The following AHI1 variants were observed in gnomAD, a reference collection of about 807,000 sequenced individuals.
The protein encoded by AHI1 is jouberin.
A neutral mutation model predicts 149.3 loss-of-function variants in AHI1; 123 were observed. The ratio of observed to expected loss-of-function variants is 0.82; its 90% confidence interval spans 0.71 to 0.96. The LOEUF (loss-of-function observed/expected upper bound fraction) is 0.96. Ranked by LOEUF, AHI1 falls within the 40% of genes least tolerant of loss-of-function variation. The pLI, the probability that AHI1 is intolerant of heterozygous loss-of-function variation, is 0.00. For synonymous variants in AHI1, 475 were observed against 459.8 expected (o/e 1.03, Z -0.42); for missense variants, 1,439 against 1,422.7 (o/e 1.01, Z -0.18).
At chr6:135,297,601 T>C (rs1292125801) in intron 27 of AHI1, 3 of 443,182 alleles carry the variant, frequency 6.8e-6, no homozygotes, top group South Asian at 1.6e-5. Context: ...GCTTCTTTAA[T>C]ATCTCTCAAT....
At chr6:135,459,546 A>G (rs929656564) in intron 8 of AHI1, among the ~76,000 whole-genome samples, 1 of 152,090 alleles carries the variant, frequency 6.6e-6, no homozygotes, top group African/African-American at 2.4e-5. Context: ...AGAGAAAATC[A>G]AAGCTAAAGG....
chr6:135,475,361 A>T (rs780683010), intron 5 of AHI1, among the ~76,000 whole-genome samples: 4 of 152,206 alleles, frequency 2.6e-5, no homozygotes, highest in African/African-American at 7.2e-5. Context: ...GTTGCTAAAA[A>T]GCTGCAAATC....
chr6:135,417,371 G>A (rs1253386159), intron 20 of AHI1, among the ~76,000 whole-genome samples: 1 of 151,908 alleles, frequency 6.6e-6, no homozygotes, highest in Non-Finnish European at 1.5e-5. Flanking sequence ...ATACACCTAC[G>A]TAAGTAACAG....
At chr6:135,318,718 T>C in intron 25 of AHI1, 102 bp from the exon 26 acceptor site, 1 of 657,212 alleles carries the variant, frequency 1.5e-6, no homozygotes, top group South Asian at 3.0e-5. Flanking sequence ...AAGAAATCGA[T>C]ATTCAATTCC....
chr6:135,463,238 G>T lies in AHI1; in HGVS notation c.818C>A (p.Ser273Tyr). The change falls in exon 8 of 29, where the codon TCT (serine) becomes TAT (tyrosine). Residue 273 changes from serine to tyrosine, a missense_variant. Physicochemically the swap from Ser to Tyr is moderately radical, Grantham distance 144 (BLOSUM62 -2). Transcript: ENST00000265602. ...QKKESSVRSV[S>Y]SDSHQDDEIS... ...TTCATCATCTTGATGAGAATCTGAA[G>T]AAACTGATCTAACTGAAGATTCTTT... 2 of 1,610,410 alleles carry T rather than the reference G, an allele frequency of 1.2e-6. No homozygotes were observed. Among genetic ancestry groups the T allele is most frequent in the South Asian group, 1.1e-5 (1 of 90,820 alleles).
At chr6:135,483,646 T>G (rs1180389003) in intron 5 of AHI1, among the ~76,000 whole-genome samples, 1 of 152,236 alleles carries the variant, frequency 6.6e-6, no homozygotes. Context: ...TTACTATTGC[T>G]GAGTATCAAA....
chr6:135,300,337 AAAAG>A (rs1177750034), intron 27 of AHI1, among the ~76,000 whole-genome samples, 159 bp downstream of exon 27: 4 of 151,006 alleles, frequency 2.6e-5, no homozygotes, highest in African/African-American at 7.4e-5. Context: ...AAAAAAAAAA[AAAAG>A]AAAAAAAAAT....
chr6:135,417,061 A>G (rs974764866), intron 20 of AHI1, among the ~76,000 whole-genome samples: 5 of 152,106 alleles, frequency 3.3e-5, no homozygotes, highest in Non-Finnish European at 7.4e-5. Context: ...TAAAGCTGTA[A>G]AAGAAAATAA....
intron 23 of AHI1, among the ~76,000 whole-genome samples, chr6:135,358,900 A>T (rs574981930): frequency 2.0e-5 from 3 of 152,362 alleles, no homozygotes; most frequent in South Asian, 2.1e-4. Flanking sequence ...AATGAACACA[A>T]GTGTGGGTCT....
At chr6:135,491,829 C>G (rs1210412948) in intron 4 of AHI1, among the ~76,000 whole-genome samples, 2 of 152,158 alleles carry the variant, frequency 1.3e-5, no homozygotes, top group East Asian at 3.8e-4. Flanking sequence ...TGCTTTCATG[C>G]TTTAAAAGAG....
chr6:135,388,436 G>C (rs1227680750), intron 23 of AHI1, among the ~76,000 whole-genome samples: 1 of 151,990 alleles, frequency 6.6e-6, no homozygotes, highest in East Asian at 1.9e-4. Flanking sequence ...TTTTTTCTTT[G>C]AAATACAAGA....
chr6:135,336,112 TAAAA>T (rs57344793), intron 24 of AHI1, among the ~76,000 whole-genome samples: 2 of 76,502 alleles, frequency 2.6e-5, no homozygotes, highest in South Asian at 4.1e-4. Flanking sequence ...AAACTCCGTC[TAAAA>T]AAAAAAAAAA....
chr6:135,368,499 C>A (rs1404049892), intron 23 of AHI1, among the ~76,000 whole-genome samples: 1 of 152,038 alleles, frequency 6.6e-6, no homozygotes, highest in Non-Finnish European at 1.5e-5. Flanking sequence ...AGAGAAAGAC[C>A]ATGGTGGTGG....
At chr6:135,342,192 C>G (rs1273912963) in intron 24 of AHI1, among the ~76,000 whole-genome samples, 2 of 151,564 alleles carry the variant, frequency 1.3e-5, no homozygotes, top group African/African-American at 4.8e-5. Context: ...AATCAAATAG[C>G]TTATATGAAA....
At chr6:135,390,143 T>C (rs957389931) in intron 23 of AHI1, among the ~76,000 whole-genome samples, 36 of 152,284 alleles carry the variant, frequency 2.4e-4, no homozygotes, top group Non-Finnish European at 4.1e-4. Context: ...TCTTCTATAG[T>C]AGGGACTCTT....
intron 26 of AHI1, among the ~76,000 whole-genome samples, chr6:135,317,600 C>T (rs946166635): frequency 3.3e-5 from 5 of 151,898 alleles, no homozygotes; most frequent in African/African-American, 9.7e-5. Context: ...CCAGAGTCTA[C>T]TGGACTTGCT....
At chr6:135,486,191 T>A (rs558592756) in intron 5 of AHI1, among the ~76,000 whole-genome samples, 1 of 152,310 alleles carries the variant, frequency 6.6e-6, no homozygotes, top group African/African-American at 2.4e-5. Flanking sequence ...ACATCTTCCC[T>A]TGCAGGTCCT....
At chr6:135,472,086 T>C (rs1195038876) in intron 5 of AHI1, among the ~76,000 whole-genome samples, 1 of 148,296 alleles carries the variant, frequency 6.7e-6, no homozygotes, top group Non-Finnish European at 1.5e-5. Context: ...CCAATTTTAA[T>C]TGTATAATTA....
chr6:135,428,618 T>TA lies in AHI1; in HGVS notation c.2623+10dup, dbSNP rs760987188. ...TCCCCAAATGATTTTTAAAGTTCAA[T>TA]AAACATTCACCTGTTTCTGGGTTCC... On this transcript the variant is annotated intron_variant, in intron 19 of 28. Coordinates refer to ENST00000265602, the MANE Select transcript of AHI1 (RefSeq NM_001134831.2). 9.3e-5 allele frequency: 148 copies of TA among 1,593,612 alleles called. No homozygotes were observed. The highest frequency in any genetic ancestry group is 1.2e-4 in the Non-Finnish European group (136 of 1,169,858).
Sources: allele counts gnomAD v4.1 joint callset (sites outside exome capture counted in the v4.1 genomes callset), GRCh38; gene constraint gnomAD v4.1.1; transcripts MANE v1.5; gene names NCBI Gene and HGNC (gene_info 2026-07-23, HGNC 2026-07-21).